Variants in SEC24A observed in about 807,000 individuals in gnomAD.
The protein encoded by SEC24A is SEC24 homolog A, COPII component.
A neutral mutation model predicts 129.4 loss-of-function variants in SEC24A; 93 were observed. That is an observed-to-expected ratio of 0.72 (90% CI 0.61 to 0.85). SEC24A has a LOEUF of 0.85. Among genes scored for constraint, SEC24A ranks in the 40% least tolerant of loss-of-function variants. The pLI, the probability that SEC24A is intolerant of heterozygous loss-of-function variation, is 0.00. For missense variants in SEC24A, 1,264 were observed against 1,307.4 expected, an observed-to-expected ratio of 0.97 and a Z score of 0.51; for synonymous variants, 460 against 467.3, an observed-to-expected ratio of 0.98 and a Z score of 0.20.
At chr5:134,708,638 CT>C in intron 17 of SEC24A, 74 bp from the exon 18 acceptor site, 1 of 1,296,200 alleles carries the variant, frequency 7.7e-7, no homozygotes, top group Non-Finnish European at 1.1e-6. Context: ...TAAAAATTAT[CT>C]CTTCTATCCT....
chr5:134,710,655 C>T (rs1028630376), intron 18 of SEC24A, among the ~76,000 whole-genome samples: 4 of 152,018 alleles, frequency 2.6e-5, no homozygotes, highest in African/African-American at 9.7e-5. Flanking sequence ...TTCTTTGTTT[C>T]GTTTTGTTTG....
At chr5:134,722,107 G>A (rs1219721240) in intron 21 of SEC24A, among the ~76,000 whole-genome samples, 2 of 152,122 alleles carry the variant, frequency 1.3e-5, no homozygotes, top group African/African-American at 4.8e-5. Context: ...ATGCCCAAGG[G>A]GTACCTGCTA....
In SEC24A at chr5:134,675,109, TAA is replaced by T. The variant is rs1253714507; in HGVS notation, c.1044_1045del (p.Arg349SerfsTer25). Reference sequence around the variant, plus strand: ...GGATTAAGTCTACAACCAGAGGGTCTAAGAGTTGTCAATCTTCTTCAAGAAAG... The same window carrying T: ...GGATTAAGTCTACAACCAGAGGGTCTGAGTTGTCAATCTTCTTCAAGAAAG... On this transcript the variant is annotated frameshift_variant, in exon 6 of 23. Transcript: ENST00000398844. LOFTEE classifies it high-confidence loss of function. 1 of 1,613,704 alleles carries T rather than the reference TAA, an allele frequency of 6.2e-7. No homozygotes were observed.
At chr5:134,679,572 A>AAAAATTT in intron 7 of SEC24A, 30 bp from the exon 8 acceptor site, 19 of 1,518,562 alleles carry the variant, frequency 1.3e-5, no homozygotes, top group Non-Finnish European at 1.7e-5. Context: ...TTTTGCCTTT[A>AAAAATTT]AAAATTTAAT....
intron 2 of SEC24A, among the ~76,000 whole-genome samples, chr5:134,662,488 T>G (rs1336038241): frequency 2.0e-5 from 3 of 152,170 alleles, no homozygotes; most frequent in African/African-American, 7.2e-5. Flanking sequence ...GATCTGCAGG[T>G]TGATACTTCT....
At chr5:134,680,360 TCTCA>T (rs1455231449) in intron 8 of SEC24A, among the ~76,000 whole-genome samples, 8 of 152,208 alleles carry the variant, frequency 5.3e-5, no homozygotes, top group African/African-American at 1.7e-4. Context: ...TGAGATGGAG[TCTCA>T]CTCTGTTGCC....
intron 1 of SEC24A, among the ~76,000 whole-genome samples, chr5:134,654,384 GC>G (rs1750169669): frequency 6.6e-6 from 1 of 151,706 alleles, no homozygotes. Flanking sequence ...ACCATGCTCA[GC>G]TAATTTTTGT....
rs1673152097 is a variant in SEC24A, at chr5:134,725,492, G to A, written c.*398G>A. 2.6e-5 allele frequency: 4 copies of A among 154,146 alleles called. No homozygotes were observed. In the South Asian group the frequency reaches 8.2e-4, roughly 32 times the overall value. 9.5% of individuals were successfully genotyped at this position (154,146 alleles called of 1,614,324 possible). ...TACATTTAAAACCTCACAAACCTAAGTGTTGCAGGGAAGTTACAAATTGAT... is the reference window on the plus strand; with the variant it reads ...TACATTTAAAACCTCACAAACCTAAATGTTGCAGGGAAGTTACAAATTGAT... On this transcript the variant is annotated 3_prime_UTR_variant, in exon 23 of 23. Transcript: ENST00000398844.
At chr5:134,716,467 TAAAA>T (rs370950499) in intron 19 of SEC24A, among the ~76,000 whole-genome samples, 2 of 78,934 alleles carry the variant, frequency 2.5e-5, no homozygotes, top group Admixed American at 1.4e-4. Flanking sequence ...AGACTTTGTC[TAAAA>T]AAAAAAAAAA....
chr5:134,722,407 A>C (rs1439343923), intron 21 of SEC24A, among the ~76,000 whole-genome samples: 1 of 152,000 alleles, frequency 6.6e-6, no homozygotes, highest in Admixed American at 6.6e-5. Flanking sequence ...CTCTACTAAA[A>C]ATACAAAATT....
chr5:134,719,647 C>T (rs1392575265), intron 20 of SEC24A, among the ~76,000 whole-genome samples: 1 of 151,902 alleles, frequency 6.6e-6, no homozygotes, highest in African/African-American at 2.4e-5. Context: ...GAGATCATAC[C>T]ACTGCACTCC....
At chr5:134,651,859 G>A (rs1423271329) in intron 1 of SEC24A, among the ~76,000 whole-genome samples, 1 of 151,352 alleles carries the variant, frequency 6.6e-6, no homozygotes, top group Non-Finnish European at 1.5e-5. Context: ...GTGAGAAAAC[G>A]TTTCAATGCT....
At chr5:134,669,983 G>A (rs150707290) in intron 3 of SEC24A, among the ~76,000 whole-genome samples, 2 of 152,256 alleles carry the variant, frequency 1.3e-5, no homozygotes, top group African/African-American at 2.4e-5. Flanking sequence ...CTGGAGTGCA[G>A]TGGAAGGATC....
chr5:134,693,318 C>A, intron 12 of SEC24A: 1 of 1,382,664 alleles, frequency 7.2e-7, no homozygotes, highest in Non-Finnish European at 9.3e-7. Context: ...TACTAGTTGG[C>A]AAAGTTACTG....
Position 134,721,099 on chromosome 5 carries a change from C to A in SEC24A, c.3063+9C>A. ...CAATTCCACAGCCTATGGTAAGACT[C>A]TTTTATTATAGTGATTATAAAGGGC... On this transcript the variant is annotated intron_variant, in intron 21 of 22. Coordinates refer to ENST00000398844, the MANE Select transcript of SEC24A (RefSeq NM_021982.3). The A allele has an allele frequency of 6.6e-7, 1 of 1,518,288 alleles. No individual in the cohort carries two copies. The highest frequency in any genetic ancestry group is 1.1e-5 in the South Asian group (1 of 88,116). The allele number at this position is 1,518,288 out of a possible 1,614,324, so 94.1% of individuals were successfully genotyped here.
chr5:134,716,908 T>C (rs564370600), intron 19 of SEC24A, among the ~76,000 whole-genome samples: 4 of 151,416 alleles, frequency 2.6e-5, no homozygotes, highest in African/African-American at 9.7e-5. Flanking sequence ...AGACAGGGTT[T>C]TGCACTTGTT....
At chr5:134,681,970 G>T (rs748586042) in intron 8 of SEC24A, among the ~76,000 whole-genome samples, 5 of 152,138 alleles carry the variant, frequency 3.3e-5, no homozygotes, top group Non-Finnish European at 7.3e-5. Flanking sequence ...GGCCGGGTGT[G>T]GTGGCTCACA....
intron 15 of SEC24A, among the ~76,000 whole-genome samples, chr5:134,698,926 C>G (rs572438047): frequency 6.6e-6 from 1 of 151,920 alleles, no homozygotes; most frequent in East Asian, 1.9e-4. Flanking sequence ...AGTGACCGCA[C>G]ACAGCCTAGA....
At chr5:134,675,522 A>G (rs894779595) in intron 6 of SEC24A, among the ~76,000 whole-genome samples, 2 of 152,124 alleles carry the variant, frequency 1.3e-5, no homozygotes, top group Non-Finnish European at 2.9e-5. Context: ...TTTCTACATA[A>G]TCCTTTATTT....
Sources: gnomAD v4.1 joint callset for allele counts (sites outside exome capture counted in the v4.1 genomes callset) on GRCh38, gnomAD v4.1.1 for gene constraint, MANE v1.5 for transcripts, NCBI Gene and HGNC (gene_info 2026-07-23, HGNC 2026-07-21) for gene names.